The following FAM227B variants were observed in gnomAD, a reference collection of about 807,000 sequenced individuals.
The protein encoded by FAM227B is family with sequence similarity 227 member B.
A neutral mutation model predicts 73.8 loss-of-function variants in FAM227B; 88 were observed. The observed-to-expected ratio is 1.19, with a 90% CI of 1.00 to 1.42. The LOEUF (loss-of-function observed/expected upper bound fraction) is 1.42. Ranked by LOEUF, FAM227B falls within the 40% of genes most tolerant of loss-of-function variation. The probability of loss-of-function intolerance (pLI) is 0.00; values close to 1 mark genes in which losing one functional copy is unlikely to be tolerated. For synonymous variants in FAM227B, 210 were observed against 190.5 expected, an observed-to-expected ratio of 1.10 and a Z score of -0.84; for missense variants, 632 against 590.9, an observed-to-expected ratio of 1.07 and a Z score of -0.72.
chr15:49,425,539 A>G (rs1180944156), intron 11 of FAM227B: 2 of 152,004 alleles, frequency 1.3e-5, no homozygotes, highest in South Asian at 2.1e-4. Flanking sequence ...ATATAATTTC[A>G]TATTAATTGT....
intron 11 of FAM227B, among the ~76,000 whole-genome samples, chr15:49,480,692 A>T (rs1422920611): frequency 6.6e-6 from 1 of 152,104 alleles, no homozygotes; most frequent in Non-Finnish European, 1.5e-5. Context: ...CATGTTGGCC[A>T]GGTTAGTATT....
At chr15:49,399,567 T>C (rs2047970176) in intron 11 of FAM227B, among the ~76,000 whole-genome samples, 1 of 149,276 alleles carries the variant, frequency 6.7e-6, no homozygotes, top group Non-Finnish European at 1.5e-5. Context: ...TTTAGACCAA[T>C]ATCCTTGATG....
At chr15:49,489,868 A>ATATATATATTT (rs1236671373) in intron 11 of FAM227B, among the ~76,000 whole-genome samples, 5 of 14,482 alleles carry the variant, frequency 3.5e-4, no homozygotes, top group African/African-American at 6.6e-4. Context: ...TTTTATATAT[A>ATATATATATTT]TATATATATA....
chr15:49,519,893 G>A lies in FAM227B; in HGVS notation c.875-11545C>T, dbSNP rs181459009. Among the ~76,000 whole-genome samples, 4 of 152,236 alleles carry A rather than the reference G, an allele frequency of 2.6e-5. No individual in the cohort carries two copies. In the East Asian group the frequency reaches 7.7e-4, roughly 29 times the overall value. On this transcript the variant is annotated intron_variant, in intron 10 of 15. Coordinates refer to ENST00000299338, the MANE Select transcript of FAM227B (RefSeq NM_152647.3). ...CTTTTCTTTTCCGTCGCATTATTGG[G>A]CTGCAAATTTTCTGAACTTTTATGC...
intron 5 of FAM227B, among the ~76,000 whole-genome samples, chr15:49,585,317 T>C (rs1478915054): frequency 6.6e-6 from 1 of 152,210 alleles, no homozygotes; most frequent in Admixed American, 6.5e-5. Flanking sequence ...GGAAATACCA[T>C]TTGACCCAGC....
At position 49,525,665 on chromosome 15, in the gene FAM227B, A is replaced by AACAT. The variant is rs1330573300; in HGVS notation, c.874+16014_874+16015insATGT. Reference sequence around the variant, plus strand: ...GAGACTCAAAGTTAAAGGGTGGAGAAATATATATATATATATATATATATA... The same window carrying AACAT: ...GAGACTCAAAGTTAAAGGGTGGAGAAACATATATATATATATATATATATATATA... On this transcript the variant is annotated intron_variant, in intron 10 of 15. Coordinates refer to ENST00000299338, the MANE Select transcript of FAM227B (RefSeq NM_152647.3). Among the ~76,000 whole-genome samples the AACAT allele has an allele frequency of 3.6e-3, 297 of 81,424 alleles. 21 individuals carry two copies. The highest frequency in any genetic ancestry group is 0.014 in the East Asian group (32 of 2,334). 53.4% of individuals were successfully genotyped at this position (81,424 alleles called of 152,430 possible). A position where few individuals can be genotyped will look rare whatever the true frequency, so the allele number is the denominator to read the frequency against.
chr15:49,549,111 G>A (rs577947549), intron 9 of FAM227B, among the ~76,000 whole-genome samples: 2 of 152,000 alleles, frequency 1.3e-5, no homozygotes, highest in African/African-American at 2.4e-5. Flanking sequence ...TTTCTTTGAA[G>A]TTGTTCTTTA....
In FAM227B at chr15:49,482,288, T is replaced by C. The variant is rs567518592; in HGVS notation, c.1012+25923A>G. ...TAAAACACAGGATTTAAGGAAGATA[T>C]ATATAATAAAGGAAAATAGTAAGTT... is the stretch of plus-strand genomic sequence containing the variant. On this transcript the variant is annotated intron_variant, in intron 11 of 15. Transcript: ENST00000299338. Among the ~76,000 whole-genome samples the C allele has an allele frequency of 3.3e-5, 5 of 152,224 alleles. No individual in the cohort carries two copies. In the South Asian group the frequency reaches 6.2e-4, roughly 19 times the overall value.
intron 5 of FAM227B, among the ~76,000 whole-genome samples, chr15:49,584,396 A>T (rs975578524): frequency 6.6e-6 from 1 of 152,212 alleles, no homozygotes; most frequent in Admixed American, 6.5e-5. Context: ...TGACAAACTT[A>T]CAGCCAATGT....
At chr15:49,442,237 T>C (rs901822556) in intron 11 of FAM227B, among the ~76,000 whole-genome samples, 4 of 151,696 alleles carry the variant, frequency 2.6e-5, no homozygotes, top group African/African-American at 9.7e-5. Flanking sequence ...CTATTTTTCC[T>C]AGACTATAAA....
At chr15:49,435,432 G>T (rs77313521) in intron 11 of FAM227B, among the ~76,000 whole-genome samples, 1 of 151,608 alleles carries the variant, frequency 6.6e-6, no homozygotes, top group Non-Finnish European at 1.5e-5. Flanking sequence ...ACACTCAGTA[G>T]TCAAGCAGCT....
At chr15:49,489,841 TTATA>T (rs796713705) in intron 11 of FAM227B, among the ~76,000 whole-genome samples, 2 of 22,998 alleles carry the variant, frequency 8.7e-5, no homozygotes, top group South Asian at 1.6e-3. Context: ...TATATATATT[TTATA>T]TATATATATA....
chr15:49,375,367 C>T (rs2046092159), intron 11 of FAM227B, among the ~76,000 whole-genome samples: 2 of 152,086 alleles, frequency 1.3e-5, no homozygotes. Context: ...CTTATTATTA[C>T]TTTATTTTGG....
chr15:49,583,231 C>T (rs1232111432), intron 5 of FAM227B, among the ~76,000 whole-genome samples: 1 of 151,054 alleles, frequency 6.6e-6, no homozygotes, highest in Non-Finnish European at 1.5e-5. Context: ...AAATAGACTG[C>T]TAGCTAGACT....
intron 10 of FAM227B, among the ~76,000 whole-genome samples, chr15:49,509,043 T>C (rs2058786791): frequency 6.6e-6 from 1 of 152,152 alleles, no homozygotes; most frequent in African/African-American, 2.4e-5. Flanking sequence ...TGTGCTTTCC[T>C]TAGGAAGGAA....
intron 11 of FAM227B, among the ~76,000 whole-genome samples, chr15:49,390,358 T>C (rs900708887): frequency 3.3e-5 from 5 of 152,066 alleles, no homozygotes; most frequent in African/African-American, 1.2e-4. Flanking sequence ...ATTTTACTAA[T>C]GTTTGTCACT....
At chr15:49,612,746 A>G (rs931337213) in intron 2 of FAM227B, among the ~76,000 whole-genome samples, 1 of 152,214 alleles carries the variant, frequency 6.6e-6, no homozygotes, top group Non-Finnish European at 1.5e-5. Flanking sequence ...ATATCAATAT[A>G]TAAAGTGGTC....
At chr15:49,435,487 A>G (rs2151809510) in intron 11 of FAM227B, among the ~76,000 whole-genome samples, 1 of 151,754 alleles carries the variant, frequency 6.6e-6, no homozygotes, top group Non-Finnish European at 1.5e-5. Flanking sequence ...TGCTACTTTC[A>G]TAAAACTACT....
At chr15:49,586,732 A>G (rs772301794) in intron 5 of FAM227B, among the ~76,000 whole-genome samples, 2 of 152,188 alleles carry the variant, frequency 1.3e-5, no homozygotes, top group Non-Finnish European at 2.9e-5. Context: ...ATGAACAAAC[A>G]CTTTTCAAAA....
Sources: gnomAD v4.1 joint callset for allele counts (sites outside exome capture counted in the v4.1 genomes callset) on GRCh38, gnomAD v4.1.1 for gene constraint, MANE v1.5 for transcripts, NCBI Gene and HGNC (gene_info 2026-07-23, HGNC 2026-07-21) for gene names.